Variants in SDK1 observed in about 807,000 individuals in gnomAD.
The protein encoded by SDK1 is protein sidekick-1.
SDK1 carries 157 observed loss-of-function variants against 245.5 expected under a neutral mutation model. That is an observed-to-expected ratio of 0.64 (90% confidence interval 0.56 to 0.73). The LOEUF (loss-of-function observed/expected upper bound fraction) is 0.73, where lower values mean the gene tolerates loss of function less well. Ranked by LOEUF, SDK1 falls within the 30% of genes least tolerant of loss-of-function variation. The pLI, the probability that SDK1 is intolerant of heterozygous loss-of-function variation, is 0.00. For synonymous variants in SDK1, 1,647 were observed against 1,278.5 expected (o/e 1.29, Z -6.15); for missense variants, 3,583 against 3,002.3 (o/e 1.19, Z -4.52).
At chr7:4,143,707 G>T (rs888580357) in intron 28 of SDK1, among the ~76,000 whole-genome samples, 1 of 152,212 alleles carries the variant, frequency 6.6e-6, no homozygotes, top group African/African-American at 2.4e-5. Context: ...GCGAGGGGAT[G>T]CTCTCCCTTT....
intron 4 of SDK1, among the ~76,000 whole-genome samples, chr7:3,652,579 T>G (rs1165377907): frequency 2.0e-5 from 3 of 152,134 alleles, no homozygotes; most frequent in Non-Finnish European, 2.9e-5. Flanking sequence ...GGGGATGAGT[T>G]TAGAAGTTTA....
intron 7 of SDK1, among the ~76,000 whole-genome samples, chr7:3,957,411 G>T (rs892866708): frequency 6.6e-6 from 1 of 152,212 alleles, no homozygotes; most frequent in South Asian, 2.1e-4. Flanking sequence ...GCCGAGTGAA[G>T]GGTCCATGAG....
chr7:3,418,996 T>C, intron 1 of SDK1, among the ~76,000 whole-genome samples: 1 of 152,200 alleles, frequency 6.6e-6, no homozygotes, highest in East Asian at 1.9e-4. Flanking sequence ...TGACAAAGAA[T>C]GTTATATCAA....
At chr7:3,905,440 C>T (rs1778866410) in intron 5 of SDK1, among the ~76,000 whole-genome samples, 1 of 152,108 alleles carries the variant, frequency 6.6e-6, no homozygotes, top group East Asian at 1.9e-4. Context: ...TTATTTTAGG[C>T]TTTTTATTTT....
At chr7:3,722,743 G>C (rs138773829) in intron 4 of SDK1, among the ~76,000 whole-genome samples, 70 of 152,298 alleles carry the variant, frequency 4.6e-4, no homozygotes, top group East Asian at 5.8e-4. Context: ...CCTCAGATCC[G>C]GGGACTCGCG....
chr7:4,219,834 C>T (rs903145527), intron 38 of SDK1, among the ~76,000 whole-genome samples: 11 of 150,818 alleles, frequency 7.3e-5, no homozygotes, highest in African/African-American at 2.7e-4. Flanking sequence ...CTCCCCGCTC[C>T]TCCTTCATAT....
intron 1 of SDK1, among the ~76,000 whole-genome samples, chr7:3,562,968 G>C (rs13307367): frequency 0.011 from 1,707 of 151,528 alleles, 18 homozygotes; most frequent in Non-Finnish European, 0.017. Flanking sequence ...TTGATGTCTT[G>C]AAAAAGAAGG....
chr7:3,991,337 C>G (rs1295947004), intron 14 of SDK1, among the ~76,000 whole-genome samples: 1 of 152,124 alleles, frequency 6.6e-6, no homozygotes, highest in African/African-American at 2.4e-5. Context: ...TGGCTTGGAT[C>G]AAATATCACT....
chr7:3,413,931 C>T (rs1245455095), intron 1 of SDK1, among the ~76,000 whole-genome samples: 12 of 152,056 alleles, frequency 7.9e-5, no homozygotes, highest in Non-Finnish European at 1.3e-4. Flanking sequence ...AGTGATTGCA[C>T]CATTGCACTT....
chr7:4,153,959 G>A (rs1745763381), intron 30 of SDK1, among the ~76,000 whole-genome samples: 1 of 152,072 alleles, frequency 6.6e-6, no homozygotes. Flanking sequence ...GGGATTACAG[G>A]CATGAGCTAA....
At chr7:3,897,915 TTTC>T (rs977783514) in intron 5 of SDK1, among the ~76,000 whole-genome samples, 1 of 152,186 alleles carries the variant, frequency 6.6e-6, no homozygotes, top group Non-Finnish European at 1.5e-5. Context: ...CTCTTTGCTC[TTTC>T]TTTTCTCTCA....
intron 28 of SDK1, among the ~76,000 whole-genome samples, chr7:4,143,680 C>T (rs528956892): frequency 1.4e-4 from 22 of 152,280 alleles, no homozygotes; most frequent in African/African-American, 4.1e-4. Context: ...TCCGTGGTTC[C>T]GAGCAACGGG....
intron 1 of SDK1, among the ~76,000 whole-genome samples, chr7:3,426,229 G>C (rs1779672788): frequency 2.6e-5 from 4 of 152,158 alleles, no homozygotes; most frequent in Admixed American, 2.6e-4. Flanking sequence ...GTGTAGTACT[G>C]TTTGCTGTGG....
chr7:3,902,995 A>G (rs1313864999), intron 5 of SDK1, among the ~76,000 whole-genome samples: 1 of 152,212 alleles, frequency 6.6e-6, no homozygotes, highest in African/African-American at 2.4e-5. Flanking sequence ...TTTCCAAAGA[A>G]GATAAAAAAA....
chr7:3,388,899 G>T (rs540200386), intron 1 of SDK1, among the ~76,000 whole-genome samples: 2 of 152,182 alleles, frequency 1.3e-5, no homozygotes, highest in South Asian at 2.1e-4. Flanking sequence ...TTACATTCCA[G>T]TGGGAAAGCT....
chr7:4,165,360 A>AAAAC (rs58209155), intron 32 of SDK1, among the ~76,000 whole-genome samples: 6,327 of 152,130 alleles, frequency 0.042, 457 homozygotes, highest in African/African-American at 0.14. Context: ...ACCTTGTCTC[A>AAAAC]AAACAAACAA....
intron 17 of SDK1, among the ~76,000 whole-genome samples, chr7:4,041,188 C>T (rs1457436530): frequency 6.6e-6 from 1 of 152,038 alleles, no homozygotes; most frequent in Non-Finnish European, 1.5e-5. Context: ...AGGGAAGTGC[C>T]GTGTGGCTCA....
chr7:3,860,822 C>G (rs1332171121), intron 5 of SDK1, among the ~76,000 whole-genome samples: 2 of 152,150 alleles, frequency 1.3e-5, no homozygotes, highest in Non-Finnish European at 2.9e-5. Context: ...AATATGCAGC[C>G]AATCACTAAT....
At chr7:3,387,797 A>G (rs974770492) in intron 1 of SDK1, among the ~76,000 whole-genome samples, 1 of 152,250 alleles carries the variant, frequency 6.6e-6, no homozygotes, top group East Asian at 1.9e-4. Context: ...GATAAAGTCC[A>G]TGCAGTGTTT....
Sources: gnomAD v4.1 joint callset for allele counts (sites outside exome capture counted in the v4.1 genomes callset) on GRCh38, gnomAD v4.1.1 for gene constraint, MANE v1.5 for transcripts, NCBI Gene and HGNC (gene_info 2026-07-23, HGNC 2026-07-21) for gene names.